The following VEPH1 variants were observed in gnomAD, a reference collection of about 807,000 sequenced individuals.
VEPH1 encodes the protein ventricular zone expressed PH domain containing 1, also known as ventricular zone-expressed PH domain-containing protein homolog 1.
VEPH1 carries 80 observed loss-of-function variants against 85.2 expected under a neutral mutation model. The observed-to-expected ratio is 0.94, with a 90% CI of 0.78 to 1.13. The LOEUF is 1.13. Ranked by LOEUF, VEPH1 falls within the 50% of genes most tolerant of loss-of-function variation. VEPH1 has a pLI of 0.00. For synonymous variants in VEPH1, 297 were observed against 348.0 expected, an observed-to-expected ratio of 0.85 and a Z score of 1.63; for missense variants, 955 against 980.5, an observed-to-expected ratio of 0.97 and a Z score of 0.35.
intron 9 of VEPH1, among the ~76,000 whole-genome samples, chr3:157,332,432 G>T (rs1722593775): frequency 1.3e-5 from 2 of 152,076 alleles, no homozygotes; most frequent in East Asian, 1.9e-4. Context: ...CCAAAAATCT[G>T]CATTTTGTCT....
At chr3:157,442,454 T>G in intron 4 of VEPH1, 4 of 1,614,252 alleles carry the variant, frequency 2.5e-6, no homozygotes, top group Non-Finnish European at 3.4e-6. Context: ...TTGAGTCTTT[T>G]AGTGCCTGCA....
rs866571121 is a variant in VEPH1, at chr3:157,438,340, C to A, written c.530-9852G>T. On this transcript the variant is annotated intron_variant, in intron 4 of 13. Transcript: ENST00000362010. The stretch of plus-strand genomic sequence containing the variant: ...CACGTCTTCTAATTTTATCCTGCCT[C>A]TGTCTTTAGAGGAGCTCTGGTTTCC... 3.3e-5 allele frequency among the ~76,000 whole-genome samples: 5 copies of A among 152,036 alleles called. No individual in the cohort carries two copies. The South Asian group carries it at 1.0e-3, about 32-fold the overall frequency.
chr3:157,414,191 C>A (rs188433195), intron 5 of VEPH1, 101 bp from the exon 6 acceptor site: 91 of 860,430 alleles, frequency 1.1e-4, no homozygotes, highest in Non-Finnish European at 2.9e-5. Flanking sequence ...TTGCATTAAA[C>A]CTGAACTCAA....
intron 4 of VEPH1, chr3:157,442,798 G>T (rs767030452): frequency 2.5e-6 from 4 of 1,614,210 alleles, no homozygotes. Flanking sequence ...GTGGGTGGTG[G>T]CTTTGATGAA....
Position 157,363,455 on chromosome 3 carries a change from G to A in VEPH1, c.1644C>T (p.Tyr548=), listed in dbSNP as rs1726279137. The part of the protein sequence containing the change: ...ASPIEYQDKL[Y]LHLKKNLSKV... The stretch of plus-strand genomic sequence containing the variant: ...TGCTGAGGTTTTTTTTTAAGTGCAA[G>A]TAGAGCTTATCTTGGTATTCTATAG... Residue 548 remains tyrosine (Y), a synonymous_variant, in exon 9 of 14, where the codon TAC becomes TAT. Coordinates refer to ENST00000362010, the MANE Select transcript of VEPH1 (RefSeq NM_001167912.2). The A allele has an allele frequency of 6.2e-7, 1 of 1,613,930 alleles. No homozygotes were observed. The highest frequency in any genetic ancestry group is 1.3e-5 in the African/African-American group (1 of 75,002).
intron 9 of VEPH1, among the ~76,000 whole-genome samples, chr3:157,362,131 A>G (rs981813370): frequency 3.9e-5 from 6 of 152,056 alleles, no homozygotes; most frequent in African/African-American, 1.4e-4. Context: ...CTCGGGCTCA[A>G]GCCATTCTCC....
intron 7 of VEPH1, among the ~76,000 whole-genome samples, chr3:157,378,220 G>A (rs4482625): frequency 0.59 from 88,921 of 150,162 alleles, 26,376 homozygotes; most frequent in East Asian, 0.68. Flanking sequence ...TTTTAATGAT[G>A]CTGGCCTTGA....
chr3:157,287,663 C>G (rs1011087790), intron 11 of VEPH1, among the ~76,000 whole-genome samples: 4 of 151,860 alleles, frequency 2.6e-5, no homozygotes, highest in Admixed American at 2.6e-4. Flanking sequence ...CTCCTGGGTT[C>G]AAGTGATTCT....
chr3:157,491,621 G>C (rs941772886), intron 2 of VEPH1, among the ~76,000 whole-genome samples: 1 of 152,090 alleles, frequency 6.6e-6, no homozygotes, highest in Admixed American at 6.6e-5. Flanking sequence ...AGTGGCTTTG[G>C]GGGAAGGATT....
In VEPH1 at chr3:157,436,968, G is replaced by T. The variant is rs753427080; in HGVS notation, c.530-8480C>A. 6 of 1,613,864 alleles carry T rather than the reference G, an allele frequency of 3.7e-6. No individual in the cohort carries two copies. In the African/African-American group the frequency reaches 5.3e-5, roughly 14 times the overall value. Reference sequence around the variant, plus strand: ...CTTGCGATTCTGTTTTGTGCTCTCTGGTCTGCAGTGTTGGCCGAGAACTCG... The same window carrying T: ...CTTGCGATTCTGTTTTGTGCTCTCTTGTCTGCAGTGTTGGCCGAGAACTCG... On this transcript the variant is annotated intron_variant, in intron 4 of 13. Coordinates refer to ENST00000362010, the MANE Select transcript of VEPH1 (RefSeq NM_001167912.2).
At chr3:157,334,637 CAG>C (rs1443090191) in intron 9 of VEPH1, among the ~76,000 whole-genome samples, 1 of 152,108 alleles carries the variant, frequency 6.6e-6, no homozygotes, top group Non-Finnish European at 1.5e-5. Flanking sequence ...TAAAAAGATT[CAG>C]AGTTTTACAG....
Position 157,413,861 on chromosome 3 carries a change from G to T in VEPH1, c.906+20C>A, listed in dbSNP as rs201682152. 5.5e-4 allele frequency: 889 copies of T among 1,610,656 alleles called. 2 individuals are homozygous for T. The African/African-American group carries it at 0.01, about 19-fold the overall frequency. ...TGCCAGTGCAATTCAGGGGAATGGA[G>T]AGAAAAAAGCCAAACTTACTTCATC... On this transcript the variant is annotated intron_variant, in intron 6 of 13. Transcript: ENST00000362010.
intron 4 of VEPH1, chr3:157,442,704 G>T (rs926130606): frequency 3.1e-6 from 5 of 1,614,070 alleles, no homozygotes; most frequent in Non-Finnish European, 4.2e-6. Context: ...TGAACTGGCG[G>T]CTACCACTGT....
At chr3:157,327,677 G>A (rs1054823201) in intron 9 of VEPH1, among the ~76,000 whole-genome samples, 3 of 152,048 alleles carry the variant, frequency 2.0e-5, no homozygotes, top group Non-Finnish European at 4.4e-5. Context: ...GCATGTGAGG[G>A]CGAAATCAAA....
At chr3:157,373,974 A>G (rs1331788362) in intron 7 of VEPH1, among the ~76,000 whole-genome samples, 2 of 152,276 alleles carry the variant, frequency 1.3e-5, no homozygotes, top group East Asian at 1.9e-4. Flanking sequence ...GCTGATAACA[A>G]TGTCTCCTAC....
intron 5 of VEPH1, among the ~76,000 whole-genome samples, chr3:157,417,855 G>C (rs1732038231): frequency 6.6e-6 from 1 of 152,140 alleles, no homozygotes; most frequent in Admixed American, 6.6e-5. Flanking sequence ...ATAACAATCT[G>C]TGATGCTTGA....
In VEPH1 at chr3:157,415,741, AT is replaced by A. The variant is rs550402630; in HGVS notation, c.697-1652del. Among the ~76,000 whole-genome samples, 776 of 152,170 alleles carry A rather than the reference AT, an allele frequency of 5.1e-3. 11 individuals are homozygous for A. Among genetic ancestry groups the A allele is most frequent in the African/African-American group, 0.018 (732 of 41,502 alleles). On this transcript the variant is annotated intron_variant, in intron 5 of 13. Transcript: ENST00000362010. ...ACACATCACACATCAATTATGATGA[AT>A]TTTTTTTAAAAATTCTTAACTTGCT...
At chr3:157,438,130 T>C (rs1262879042) in intron 4 of VEPH1, among the ~76,000 whole-genome samples, 1 of 151,092 alleles carries the variant, frequency 6.6e-6, no homozygotes. Context: ...GCGGGAAAAT[T>C]GGCTTTAAAA....
intron 11 of VEPH1, among the ~76,000 whole-genome samples, chr3:157,306,682 G>A (rs980387796): frequency 3.9e-5 from 6 of 151,942 alleles, no homozygotes; most frequent in African/African-American, 1.4e-4. Context: ...CAGAAAAATA[G>A]GGCACATGAA....
Sources: allele counts gnomAD v4.1 joint callset (sites outside exome capture counted in the v4.1 genomes callset), GRCh38; gene constraint gnomAD v4.1.1; transcripts MANE v1.5; gene names NCBI Gene and HGNC (gene_info 2026-07-23, HGNC 2026-07-21).